The following ADAMTSL1 variants were observed in gnomAD, a reference collection of about 807,000 sequenced individuals.
ADAMTSL1 encodes the protein ADAMTS like 1.
ADAMTSL1 carries 126 observed loss-of-function variants against 201.8 expected under a neutral mutation model. That is an observed-to-expected ratio of 0.62 (90% CI 0.54 to 0.72). The LOEUF is 0.72. Ranked by LOEUF, ADAMTSL1 falls within the 30% of genes least tolerant of loss-of-function variation. ADAMTSL1 has a pLI of 0.00. For missense variants in ADAMTSL1, 2,679 were observed against 2,277.8 expected, an observed-to-expected ratio of 1.18 and a Z score of -3.59; for synonymous variants, 1,121 against 903.4, an observed-to-expected ratio of 1.24 and a Z score of -4.32.
At chr9:18,322,787 C>T (rs1479619206) in intron 2 of ADAMTSL1, among the ~76,000 whole-genome samples, 2 of 152,098 alleles carry the variant, frequency 1.3e-5, no homozygotes, top group Non-Finnish European at 2.9e-5. Flanking sequence ...AAAAGAGTAT[C>T]ATCAACAACT....
chr9:18,771,418 T>C (rs1299811922), intron 17 of ADAMTSL1, among the ~76,000 whole-genome samples: 1 of 152,218 alleles, frequency 6.6e-6, no homozygotes, highest in Non-Finnish European at 1.5e-5. Context: ...GACTAACCTA[T>C]CTTTCTAAAT....
intron 2 of ADAMTSL1, among the ~76,000 whole-genome samples, chr9:18,311,545 A>T (rs1834156999): frequency 6.6e-6 from 1 of 152,072 alleles, no homozygotes. Flanking sequence ...GTTGATCTGT[A>T]CTGTAGGTGC....
At chr9:17,989,830 T>A (rs527299293) in intron 1 of ADAMTSL1, among the ~76,000 whole-genome samples, 43 of 141,938 alleles carry the variant, frequency 3.0e-4, no homozygotes, top group African/African-American at 1.0e-3. Context: ...AGCATCTGAT[T>A]TTTTTTTTTA....
intron 1 of ADAMTSL1, among the ~76,000 whole-genome samples, chr9:18,089,726 A>G (rs1022421175): frequency 5.9e-5 from 9 of 152,190 alleles, no homozygotes; most frequent in Non-Finnish European, 1.3e-4. Context: ...AGAAGCAGAG[A>G]GTATAATGGT....
At chr9:17,920,223 A>G (rs1025718471) in intron 1 of ADAMTSL1, among the ~76,000 whole-genome samples, 3 of 152,134 alleles carry the variant, frequency 2.0e-5, no homozygotes, top group Non-Finnish European at 2.9e-5. Flanking sequence ...ATTTTTCCAA[A>G]TGCAAAGGCA....
intron 1 of ADAMTSL1, among the ~76,000 whole-genome samples, chr9:18,154,343 G>C (rs1443648907): frequency 6.6e-6 from 1 of 152,052 alleles, no homozygotes; most frequent in Non-Finnish European, 1.5e-5. Flanking sequence ...TGCATCCACT[G>C]GGGCTGCACT....
intron 1 of ADAMTSL1, among the ~76,000 whole-genome samples, chr9:18,157,778 T>G (rs1430684898): frequency 2.0e-5 from 3 of 152,058 alleles, no homozygotes; most frequent in African/African-American, 7.2e-5. Context: ...AATGCTTTTA[T>G]TAGCCACCCC....
At chr9:18,599,956 T>C (rs1371254296) in intron 4 of ADAMTSL1, among the ~76,000 whole-genome samples, 2 of 130,330 alleles carry the variant, frequency 1.5e-5, no homozygotes, top group Non-Finnish European at 3.1e-5. Context: ...ATCGAGATCA[T>C]CCTGGCTAAC....
intron 7 of ADAMTSL1, among the ~76,000 whole-genome samples, chr9:18,639,922 T>C (rs28548145): frequency 9.2e-4 from 140 of 152,278 alleles, no homozygotes; most frequent in African/African-American, 2.8e-3. Flanking sequence ...GGAAGCAACA[T>C]GCACATTCTG....
At chr9:18,813,363 T>A (rs989566578) in intron 20 of ADAMTSL1, among the ~76,000 whole-genome samples, 1 of 152,142 alleles carries the variant, frequency 6.6e-6, no homozygotes, top group African/African-American at 2.4e-5. Context: ...TTGTAAAGAG[T>A]GTCATTTGTA....
intron 15 of ADAMTSL1, among the ~76,000 whole-genome samples, chr9:18,745,658 A>G (rs191736149): frequency 3.3e-5 from 5 of 152,200 alleles, no homozygotes; most frequent in African/African-American, 7.2e-5. Flanking sequence ...CTGTACACAT[A>G]TATGTATAGT....
intron 1 of ADAMTSL1, among the ~76,000 whole-genome samples, chr9:18,482,532 C>T (rs1302470131): frequency 1.3e-5 from 2 of 152,080 alleles, no homozygotes; most frequent in Admixed American, 6.5e-5. Flanking sequence ...ATGAAAAGAG[C>T]GTGATAACCT....
chr9:18,004,019 C>T (rs1323034572), intron 1 of ADAMTSL1, among the ~76,000 whole-genome samples: 2 of 151,808 alleles, frequency 1.3e-5, no homozygotes, highest in Non-Finnish European at 2.9e-5. Flanking sequence ...TGTTTGGGCA[C>T]CTAAAAAGAA....
At chr9:18,614,336 G>A (rs577906339) in intron 4 of ADAMTSL1, among the ~76,000 whole-genome samples, 1 of 152,256 alleles carries the variant, frequency 6.6e-6, no homozygotes, top group East Asian at 1.9e-4. Context: ...TTATAGACTA[G>A]AGAGATGCTC....
chr9:18,282,040 G>A (rs1171906729), intron 2 of ADAMTSL1, among the ~76,000 whole-genome samples: 1 of 152,036 alleles, frequency 6.6e-6, no homozygotes, highest in Non-Finnish European at 1.5e-5. Context: ...TGGGGATTGG[G>A]CTTCTAGTGT....
At chr9:17,991,364 C>A (rs1819142813) in intron 1 of ADAMTSL1, among the ~76,000 whole-genome samples, 1 of 151,998 alleles carries the variant, frequency 6.6e-6, no homozygotes, top group Non-Finnish European at 1.5e-5. Context: ...ATAAATGTTA[C>A]ATGATTATAT....
intron 19 of ADAMTSL1, among the ~76,000 whole-genome samples, chr9:18,792,912 T>A (rs539240575): frequency 6.6e-6 from 1 of 152,352 alleles, no homozygotes; most frequent in African/African-American, 2.4e-5. Context: ...ATTGTTTGAC[T>A]TTGAGAAAAA....
At chr9:17,975,959 C>G (rs1173891269) in intron 1 of ADAMTSL1, among the ~76,000 whole-genome samples, 1 of 151,998 alleles carries the variant, frequency 6.6e-6, no homozygotes, top group Non-Finnish European at 1.5e-5. Flanking sequence ...TTTTCCAACA[C>G]TATTTATTGA....
chr9:18,592,785 G>A (rs1448084142), intron 4 of ADAMTSL1, among the ~76,000 whole-genome samples: 1 of 152,108 alleles, frequency 6.6e-6, no homozygotes, highest in Non-Finnish European at 1.5e-5. Context: ...GACAGAGATT[G>A]CAATGAATCT....
Sources: allele counts gnomAD v4.1 joint callset (sites outside exome capture counted in the v4.1 genomes callset), GRCh38; gene constraint gnomAD v4.1.1; transcripts MANE v1.5; gene names NCBI Gene and HGNC (gene_info 2026-07-23, HGNC 2026-07-21).